The following LRP1B variants were observed in gnomAD, a reference collection of about 807,000 sequenced individuals.
LRP1B encodes low-density lipoprotein receptor-related protein 1B.
A neutral mutation model predicts 556.6 loss-of-function variants in LRP1B; 217 were observed. That is an observed-to-expected ratio of 0.39 (90% CI 0.35 to 0.44). The LOEUF (loss-of-function observed/expected upper bound fraction) is 0.44, where lower values mean the gene tolerates loss of function less well. LRP1B is among the 20% of genes least tolerant of loss of function. The pLI, the probability that LRP1B is intolerant of heterozygous loss-of-function variation, is 1.00. For synonymous variants in LRP1B, 2,047 were observed against 1,865.8 expected (o/e 1.10, Z -2.50); for missense variants, 5,053 against 5,620.8 (o/e 0.90, Z 3.23).
At chr2:140,819,019 C>T (rs1691226188) in intron 31 of LRP1B, among the ~76,000 whole-genome samples, 1 of 151,254 alleles carries the variant, frequency 6.6e-6, no homozygotes, top group Admixed American at 6.6e-5. Flanking sequence ...CCTGGCTTCT[C>T]TGTGAAGTGA....
chr2:141,224,218 G>GT (rs1683155840), intron 6 of LRP1B, among the ~76,000 whole-genome samples: 1 of 151,934 alleles, frequency 6.6e-6, no homozygotes, highest in African/African-American at 2.4e-5. Flanking sequence ...AAGATGACAT[G>GT]TATATGGCCA....
chr2:140,982,634 G>C (rs1339403894), intron 17 of LRP1B, among the ~76,000 whole-genome samples: 2 of 151,730 alleles, frequency 1.3e-5, no homozygotes, highest in Non-Finnish European at 2.9e-5. Context: ...AACAAAAAAA[G>C]AATTGTGGAT....
intron 7 of LRP1B, among the ~76,000 whole-genome samples, chr2:141,150,960 T>C (rs1701909392): frequency 6.6e-6 from 1 of 151,030 alleles, no homozygotes; most frequent in Non-Finnish European, 1.5e-5. Flanking sequence ...GTAACAAATA[T>C]TTATATGTCA....
intron 3 of LRP1B, among the ~76,000 whole-genome samples, chr2:141,261,704 T>C (rs752453838): frequency 1.1e-4 from 16 of 151,332 alleles, no homozygotes; most frequent in Non-Finnish European, 1.9e-4. Context: ...ATCTATATTA[T>C]TGTTAGTATT....
At position 141,473,632 on chromosome 2, in the gene LRP1B, G is replaced by A. The variant is rs545581221; in HGVS notation, c.343+6764C>T. Among the ~76,000 whole-genome samples, 15 of 152,216 alleles carry A rather than the reference G, an allele frequency of 9.9e-5. No homozygotes were observed. In the South Asian group the frequency reaches 1.0e-3, roughly 11 times the overall value. ...AGCAGAATCTACTCTTAACTTGTAA[G>A]AGCTTTACTAATCAAAAGTGTTCTG... On this transcript the variant is annotated intron_variant, in intron 3 of 90. Coordinates refer to ENST00000389484, the MANE Select transcript of LRP1B (RefSeq NM_018557.3).
intron 3 of LRP1B, among the ~76,000 whole-genome samples, chr2:141,433,273 T>A (rs1680634640): frequency 6.6e-6 from 1 of 152,044 alleles, no homozygotes; most frequent in Non-Finnish European, 1.5e-5. Context: ...TCATTCCTTT[T>A]AAATGTACCA....
At chr2:142,018,866 T>C (rs1703237275) in intron 1 of LRP1B, among the ~76,000 whole-genome samples, 1 of 149,574 alleles carries the variant, frequency 6.7e-6, no homozygotes, top group African/African-American at 2.4e-5. Flanking sequence ...TCACATCACT[T>C]TCTGGATAGA....
intron 2 of LRP1B, among the ~76,000 whole-genome samples, chr2:141,681,444 TA>T (rs1249606358): frequency 6.6e-6 from 1 of 152,132 alleles, no homozygotes; most frequent in Non-Finnish European, 1.5e-5. Context: ...CCAAATTATC[TA>T]GGATAAAAAA....
chr2:141,958,954 T>C (rs1701334600), intron 1 of LRP1B, among the ~76,000 whole-genome samples: 1 of 151,990 alleles, frequency 6.6e-6, no homozygotes. Flanking sequence ...TTATTTCTTG[T>C]GCTTCCAACA....
At chr2:141,854,271 C>A (rs972102055) in intron 1 of LRP1B, among the ~76,000 whole-genome samples, 1 of 151,974 alleles carries the variant, frequency 6.6e-6, no homozygotes. Flanking sequence ...ATCAGAACAT[C>A]GTCATAATTG....
chr2:140,690,436 A>T (rs2105397573), intron 41 of LRP1B, among the ~76,000 whole-genome samples: 1 of 152,260 alleles, frequency 6.6e-6, no homozygotes. Flanking sequence ...TTAACATCAA[A>T]GAAAATTCAT....
chr2:140,314,436 G>C (rs1233639316), intron 83 of LRP1B, among the ~76,000 whole-genome samples: 1 of 151,714 alleles, frequency 6.6e-6, no homozygotes, highest in Non-Finnish European at 1.5e-5. Context: ...TAGAAACCTT[G>C]TATTTCCAAA....
intron 2 of LRP1B, among the ~76,000 whole-genome samples, chr2:141,665,545 A>T (rs1690395167): frequency 6.6e-6 from 1 of 152,228 alleles, no homozygotes; most frequent in Non-Finnish European, 1.5e-5. Context: ...GGAACCAGAA[A>T]TACCATTTGA....
intron 3 of LRP1B, among the ~76,000 whole-genome samples, chr2:141,422,030 G>C (rs568594078): frequency 6.6e-6 from 1 of 152,122 alleles, no homozygotes; most frequent in Non-Finnish European, 1.5e-5. Context: ...CCTAAATAAG[G>C]CCTGACACAT....
intron 7 of LRP1B, among the ~76,000 whole-genome samples, chr2:141,126,338 A>G (rs1205088192): frequency 6.6e-6 from 1 of 152,010 alleles, no homozygotes; most frequent in Non-Finnish European, 1.5e-5. Flanking sequence ...CTGCCCTTTA[A>G]TAGCTATTTT....
intron 2 of LRP1B, among the ~76,000 whole-genome samples, chr2:141,567,294 T>C (rs1354646447): frequency 6.6e-6 from 1 of 152,046 alleles, no homozygotes; most frequent in Admixed American, 6.6e-5. Context: ...CCAAGAAGAA[T>C]TGCAATAATT....
At chr2:140,908,552 A>G (rs887014596) in intron 21 of LRP1B, among the ~76,000 whole-genome samples, 5 of 151,848 alleles carry the variant, frequency 3.3e-5, no homozygotes, top group African/African-American at 1.2e-4. Context: ...GCCTCATTTT[A>G]GCAAGAGAGG....
chr2:141,271,025 C>T (rs1378781843), intron 3 of LRP1B, among the ~76,000 whole-genome samples: 1 of 151,714 alleles, frequency 6.6e-6, no homozygotes, highest in Non-Finnish European at 1.5e-5. Context: ...ATGAATGCCC[C>T]ATCAACAGAA....
At chr2:140,494,554 C>T (rs1310024612) in intron 56 of LRP1B, among the ~76,000 whole-genome samples, 1 of 141,886 alleles carries the variant, frequency 7.0e-6, no homozygotes, top group Non-Finnish European at 1.5e-5. Context: ...TTGCAGCGAG[C>T]TAAGATCGCG....
Sources: allele counts gnomAD v4.1 joint callset (sites outside exome capture counted in the v4.1 genomes callset), GRCh38; gene constraint gnomAD v4.1.1; transcripts MANE v1.5; gene names NCBI Gene and HGNC (gene_info 2026-07-23, HGNC 2026-07-21).